Variants in KLHL11 observed in about 807,000 individuals in gnomAD.
The protein encoded by KLHL11 is kelch like family member 11, also known as kelch-like protein 11.
KLHL11 carries 26 observed loss-of-function variants against 56.1 expected under a neutral mutation model. The observed-to-expected ratio is 0.46, with a 90% CI of 0.34 to 0.64. The LOEUF is 0.64. Ranked by LOEUF, KLHL11 falls within the 30% of genes least tolerant of loss-of-function variation. KLHL11 has a pLI of 0.01. For synonymous variants in KLHL11, 338 were observed against 345.8 expected (o/e 0.98, Z 0.25); for missense variants, 627 against 919.4 (o/e 0.68, Z 4.11).
At chr17:41,858,205 T>A (rs1410290390) in intron 1 of KLHL11, among the ~76,000 whole-genome samples, 2 of 149,072 alleles carry the variant, frequency 1.3e-5, no homozygotes, top group Non-Finnish European at 3.0e-5. Flanking sequence ...AATTCCTTGC[T>A]AGTCACCAGC....
chr17:41,855,381 C>T, intron 1 of KLHL11, 60 bp from the exon 2 acceptor site: 4 of 1,320,704 alleles, frequency 3.0e-6, no homozygotes, highest in African/African-American at 1.5e-5. Context: ...TATGTGGTTA[C>T]TTTTTTCTTT....
Position 41,855,711 on chromosome 17 carries a change from G to A in KLHL11, c.546-390C>T, listed in dbSNP as rs1217757015. On this transcript the variant is annotated intron_variant, in intron 1 of 1. Coordinates refer to ENST00000319121, the MANE Select transcript of KLHL11 (RefSeq NM_018143.3). ...TTTTGAGACAGAGTCTCACTTTATC[G>A]GCCAGGCTGGTGTGCAGTGGCACAA... Among the ~76,000 whole-genome samples, 45 of 143,572 alleles carry A rather than the reference G, an allele frequency of 3.1e-4. 1 individual carries two copies. Among genetic ancestry groups the A allele is most frequent in the Middle Eastern group, 8.3e-3 (2 of 240 alleles). The allele number at this position is 143,572 out of a possible 152,430, so 94.2% of individuals were successfully genotyped here.
In KLHL11 at chr17:41,865,099, C is replaced by G. The variant is rs782569508; in HGVS notation, c.272G>C (p.Gly91Ala). ...GCACAGGGTAATGTCGCAGAAGAGG[C>G]CCTGGCGCCGCTGCTCGTTCTGCCG... ...SWRQNEQRRQ[G>A]LFCDITLCFG... The change falls in exon 1 of 2, where the codon GGC becomes GCC. Residue 91 changes from glycine (G) to alanine (A), a missense_variant. Around this residue, in one of 4 missense-constraint regions of KLHL11, gnomAD observed 150 missense variants for 215.7 expected, o/e 0.70. Transcript: ENST00000319121. 2.3e-5 allele frequency: 37 copies of G among 1,603,232 alleles called. 1 individual carries two copies. The highest frequency in any genetic ancestry group is 8.5e-7 in the Non-Finnish European group (1 of 1,173,838).
At chr17:41,862,939 T>G (rs146790174) in intron 1 of KLHL11, among the ~76,000 whole-genome samples, 2,265 of 152,256 alleles carry the variant, frequency 0.015, 30 homozygotes, top group Non-Finnish European at 0.019. Flanking sequence ...ATCTTCCACA[T>G]CTTAATAATT....
At position 41,853,763 on chromosome 17, in the gene KLHL11, G is replaced by A. The variant is rs572546870; in HGVS notation, c.2104C>T (p.Pro702Ser). The A allele has an allele frequency of 9.7e-5, 156 of 1,612,468 alleles. 1 individual carries two copies. The South Asian group carries it at 1.7e-3, about 17-fold the overall frequency. ...ACCTAGCATTCAATCTGAGAGCTTGGCACTCGCCTCATGTTCAGGGCGTGA... is the reference window on the plus strand; with the variant it reads ...ACCTAGCATTCAATCTGAGAGCTTGACACTCGCCTCATGTTCAGGGCGTGA... ...HRHALNMRRV[P>S]SSQIEC The change falls in exon 2 of 2, where the codon CCA becomes TCA. Residue 702 changes from proline to serine, a missense_variant. This residue lies in a region of KLHL11 where 250 missense variants were observed against 360.6 expected (regional missense o/e 0.69). Coordinates refer to ENST00000319121, the MANE Select transcript of KLHL11 (RefSeq NM_018143.3).
At chr17:41,856,144 C>T (rs969452068) in intron 1 of KLHL11, among the ~76,000 whole-genome samples, 2 of 152,154 alleles carry the variant, frequency 1.3e-5, no homozygotes, top group African/African-American at 2.4e-5. Context: ...GCGTGTGCCA[C>T]CACACCCAGC....
In KLHL11 at chr17:41,850,656, G is replaced by A. The variant is rs894848609; in HGVS notation, c.*3084C>T. 5 of 152,138 alleles carry A rather than the reference G, an allele frequency of 3.3e-5. No homozygotes were observed. The highest frequency in any genetic ancestry group is 1.2e-4 in the African/African-American group (5 of 41,406). 9.4% of individuals were successfully genotyped at this position (152,138 alleles called of 1,614,324 possible). The stretch of plus-strand genomic sequence containing the variant: ...TTAGTGAGCTTCATTTAATGATTCT[G>A]TCTTACTTGCATAGACCTATCACAG... On this transcript the variant is annotated 3_prime_UTR_variant, in exon 2 of 2. Coordinates refer to ENST00000319121, the MANE Select transcript of KLHL11 (RefSeq NM_018143.3).
chr17:41,865,227 G>C lies in KLHL11; in HGVS notation c.144C>G (p.Phe48Leu). The C allele has an allele frequency of 1.9e-6, 3 of 1,599,508 alleles. No individual in the cohort carries two copies. Among genetic ancestry groups the C allele is most frequent in the Non-Finnish European group, 2.6e-6 (3 of 1,175,142 alleles). Residue 48 changes from phenylalanine (F) to leucine (L), a missense_variant, in exon 1 of 2, where the codon TTC (phenylalanine) becomes TTG (leucine). Transcript: ENST00000319121. ...AEVRGSGTVDFGPGPGISAME... is the reference protein window; with the variant it reads ...AEVRGSGTVDLGPGPGISAME... ...TTGCAGAGATCCCCGGCCCAGGCCC[G>C]AAGTCCACCGTGCCGCTGCCTCGGA...
chr17:41,849,487 A>C lies in KLHL11; in HGVS notation c.*4253T>G, dbSNP rs1167918561. 6.6e-6 allele frequency: 1 copy of C among 152,198 alleles called. No homozygotes were observed. Among genetic ancestry groups the C allele is most frequent in the Non-Finnish European group, 1.5e-5 (1 of 68,032 alleles). 9.4% of individuals were successfully genotyped at this position (152,198 alleles called of 1,614,324 possible). A position where few individuals can be genotyped will look rare whatever the true frequency, so the allele number is the denominator to read the frequency against. On this transcript the variant is annotated 3_prime_UTR_variant, in exon 2 of 2. Coordinates refer to ENST00000319121, the MANE Select transcript of KLHL11 (RefSeq NM_018143.3). Reference sequence around the variant, plus strand: ...AGTGAGCCCTAGAAACTGCCTTACCAGCAGCCTGACGGGTTTAAAAAACAC... The same window carrying C: ...AGTGAGCCCTAGAAACTGCCTTACCCGCAGCCTGACGGGTTTAAAAAACAC...
In KLHL11 at chr17:41,849,293, A is replaced by C; in HGVS notation, c.*4447T>G. 6.6e-6 allele frequency: 1 copy of C among 152,378 alleles called. No individual in the cohort carries two copies. Among genetic ancestry groups the C allele is most frequent in the East Asian group, 1.9e-4 (1 of 5,192 alleles). 9.4% of individuals were successfully genotyped at this position (152,378 alleles called of 1,614,324 possible). On this transcript the variant is annotated 3_prime_UTR_variant, in exon 2 of 2. Transcript: ENST00000319121. ...TATTTAAACTTAATTTGAGAAAAGTATCAAAAAAGAAGTCCCTTTAGTTAT... is the reference window on the plus strand; with the variant it reads ...TATTTAAACTTAATTTGAGAAAAGTCTCAAAAAAGAAGTCCCTTTAGTTAT...
rs370564804 is a variant in KLHL11, at chr17:41,855,788, C to T, written c.546-467G>A. 6.6e-5 allele frequency among the ~76,000 whole-genome samples: 10 copies of T among 151,102 alleles called. No individual in the cohort carries two copies. In the East Asian group the frequency reaches 1.8e-3, roughly 26 times the overall value. On this transcript the variant is annotated intron_variant, in intron 1 of 1. Transcript: ENST00000319121. ...CCAGGCTCATGCAATTCTCCTGCCT[C>T]AGCCTCCCAAGTAGCTGGGATTACA...
chr17:41,855,017 ATCTC>A lies in KLHL11; in HGVS notation c.846_849del (p.Glu282AspfsTer15), dbSNP rs781975751. The A allele has an allele frequency of 5.0e-6, 8 of 1,613,470 alleles. No individual in the cohort carries two copies. Among genetic ancestry groups the A allele is most frequent in the Non-Finnish European group, 6.8e-6 (8 of 1,179,534 alleles). On this transcript the variant is annotated frameshift_variant, in exon 2 of 2. Transcript: ENST00000319121. LOFTEE classifies it high-confidence loss of function. ...AGCAATTTAAAAAGTTCTTCAAAGTATCTCTCTCTCTCTTCAGCATTTCTCTGAA... is the reference window on the plus strand; with the variant it reads ...AGCAATTTAAAAAGTTCTTCAAAGTATCTCTCTCTTCAGCATTTCTCTGAA...
At chr17:41,862,575 C>T (rs1175067698) in intron 1 of KLHL11, among the ~76,000 whole-genome samples, 1 of 152,052 alleles carries the variant, frequency 6.6e-6, no homozygotes, top group Non-Finnish European at 1.5e-5. Flanking sequence ...CCACCGCGCC[C>T]GGCCTAATTT....
At chr17:41,861,438 G>A (rs1257108749) in intron 1 of KLHL11, among the ~76,000 whole-genome samples, 1 of 152,100 alleles carries the variant, frequency 6.6e-6, no homozygotes, top group Non-Finnish European at 1.5e-5. Flanking sequence ...GGTGGCTCAC[G>A]CCTGTAATCC....
intron 1 of KLHL11, among the ~76,000 whole-genome samples, chr17:41,860,020 G>C (rs999044062): frequency 2.0e-5 from 3 of 152,150 alleles, no homozygotes; most frequent in African/African-American, 7.2e-5. Context: ...TAGTGACTGT[G>C]CTTAGTAACT....
intron 1 of KLHL11, among the ~76,000 whole-genome samples, chr17:41,861,685 T>A (rs868972151): frequency 2.9e-3 from 84 of 28,500 alleles, no homozygotes; most frequent in African/African-American, 0.011. Context: ...GACTCTTGTC[T>A]CAAAAAAAAA....
Position 41,855,216 on chromosome 17 carries a change from C to T in KLHL11, c.651G>A (p.Leu217=). Residue 217 remains leucine (L), a synonymous_variant, in exon 2 of 2, where the codon CTG becomes CTA. Transcript: ENST00000319121. The stretch of plus-strand genomic sequence containing the variant: ...CAGCAGCCTTCAGAGCAAGTTGGCT[C>T]AGGGTGTACATGTGTGCTAAGCTAT... ...AIHSLAHMYT[L]SQLALKAADM... 2 of 1,613,976 alleles carry T rather than the reference C, an allele frequency of 1.2e-6. No individual in the cohort carries two copies. Among genetic ancestry groups the T allele is most frequent in the Non-Finnish European group, 1.7e-6 (2 of 1,179,998 alleles).
At chr17:41,860,742 G>A (rs568172566) in intron 1 of KLHL11, among the ~76,000 whole-genome samples, 1 of 152,170 alleles carries the variant, frequency 6.6e-6, no homozygotes, top group East Asian at 1.9e-4. Flanking sequence ...CCAGCCTCTT[G>A]AGAAAACAGA....
At chr17:41,859,621 C>T (rs2048390544) in intron 1 of KLHL11, among the ~76,000 whole-genome samples, 1 of 151,902 alleles carries the variant, frequency 6.6e-6, no homozygotes, top group Non-Finnish European at 1.5e-5. Context: ...TGGTGGCGTG[C>T]ATCTGTTATC....
Sources: allele counts gnomAD v4.1 joint callset (sites outside exome capture counted in the v4.1 genomes callset), GRCh38; gene constraint gnomAD v4.1.1; regional missense constraint gnomAD v4.1.1; transcripts MANE v1.5; gene names NCBI Gene and HGNC (gene_info 2026-07-23, HGNC 2026-07-21).